PDCD5: variants seen among roughly 807,000 people sequenced by gnomAD.
The protein encoded by PDCD5 is programmed cell death protein 5.
A neutral mutation model predicts 21.9 loss-of-function variants in PDCD5; 23 were observed. That is an observed-to-expected ratio of 1.05 (90% CI 0.76 to 1.49). The LOEUF (loss-of-function observed/expected upper bound fraction) is 1.49. Ranked by LOEUF, PDCD5 falls within the 40% of genes most tolerant of loss-of-function variation. PDCD5 has a pLI of 0.00. For missense variants in PDCD5, 152 were observed against 147.7 expected (o/e 1.03, Z -0.15); for synonymous variants, 45 against 49.4 (o/e 0.91, Z 0.37).
At chr19:32,581,720 T>C (rs1057375372) in intron 1 of PDCD5, 3 of 204,608 alleles carry the variant, frequency 1.5e-5, no homozygotes, top group African/African-American at 7.0e-5. Flanking sequence ...GTCCGCTGTG[T>C]TCCCGGTGCT....
rs761684487 is a variant in PDCD5, at chr19:32,581,283, G to T, written c.22G>T (p.Ala8Ser). Residue 8 changes from alanine to serine, a missense_variant, in exon 1 of 6, where the codon GCG (alanine) becomes TCG (serine). Physicochemically the swap from Ala to Ser is moderately conservative, Grantham distance 99 (BLOSUM62 1). Coordinates refer to ENST00000590247, the MANE Select transcript of PDCD5 (RefSeq NM_004708.4). ...AGCCATGGCGGACGAGGAGCTTGAG[G>T]CGCTGAGGAGACAGAGGCTGGCCGA... MADEELEALRRQRLAELQ... is the reference protein window; with the variant it reads MADEELESLRRQRLAELQ... The T allele has an allele frequency of 4.8e-5, 74 of 1,530,624 alleles. No individual in the cohort carries two copies. The East Asian group carries it at 1.9e-3, about 39-fold the overall frequency. The allele number at this position is 1,530,624 out of a possible 1,614,324, so 94.8% of individuals were successfully genotyped here.
intron 4 of PDCD5, chr19:32,586,132 G>A: frequency 6.7e-7 from 1 of 1,503,522 alleles, no homozygotes; most frequent in South Asian, 1.3e-5. Flanking sequence ...GTTGGTGTCT[G>A]TGACCCAATG....
At position 32,582,238 on chromosome 19, in the gene PDCD5, G is replaced by A. The variant is rs10410673; in HGVS notation, c.104+6G>A. ...CAACAGGAAGCAAAGCACAGGTATG[G>A]GCTGGAAACGTGAACTTTTTGAAGG... On this transcript the variant is annotated splice_donor_region_variant and intron_variant, in intron 2 of 5. Transcript: ENST00000590247. 54 of 1,610,964 alleles carry A rather than the reference G, an allele frequency of 3.4e-5. No individual in the cohort carries two copies. The highest frequency in any genetic ancestry group is 4.2e-5 in the Non-Finnish European group (50 of 1,177,444).
Position 32,582,226 on chromosome 19 carries a change from A to G in PDCD5, c.98A>G (p.Lys33Arg), listed in dbSNP as rs766225835. The G allele has an allele frequency of 6.2e-7, 1 of 1,613,252 alleles. No individual in the cohort carries two copies. The highest frequency in any genetic ancestry group is 1.7e-5 in the Admixed American group (1 of 59,994). Residue 33 changes from lysine to arginine, a missense_variant, in exon 2 of 6, where the codon AAG becomes AGG. Transcript: ENST00000590247. ...DPGDAAQQEAKHREAEMRNSI... is the reference protein window; with the variant it reads ...DPGDAAQQEARHREAEMRNSI... Reference sequence around the variant, plus strand: ...GGTGATGCGGCCCAACAGGAAGCAAAGCACAGGTATGGGCTGGAAACGTGA... The same window carrying G: ...GGTGATGCGGCCCAACAGGAAGCAAGGCACAGGTATGGGCTGGAAACGTGA...
At chr19:32,583,901 G>C (rs1971452987) in intron 2 of PDCD5, among the ~76,000 whole-genome samples, 1 of 152,082 alleles carries the variant, frequency 6.6e-6, no homozygotes. Flanking sequence ...GCACAATCTT[G>C]GCTCACCGTA....
In PDCD5 at chr19:32,581,292, A is replaced by G; in HGVS notation, c.31A>G (p.Arg11Gly). Residue 11 changes from arginine to glycine, a missense_variant, in exon 1 of 6, where the codon AGA (arginine) becomes GGA (glycine). By Grantham distance (125) the Arg-to-Gly change is moderately radical. Coordinates refer to ENST00000590247, the MANE Select transcript of PDCD5 (RefSeq NM_004708.4). ...GGACGAGGAGCTTGAGGCGCTGAGG[A>G]GACAGAGGCTGGCCGAGCTGCAGGC... MADEELEALR[R>G]QRLAELQAKH... 1 of 1,530,656 alleles carries G rather than the reference A, an allele frequency of 6.5e-7. No homozygotes were observed. The allele number at this position is 1,530,656 out of a possible 1,614,324, so 94.8% of individuals were successfully genotyped here.
At chr19:32,587,043 AAC>A in intron 5 of PDCD5, 114 bp downstream of exon 5, 1 of 1,034,672 alleles carries the variant, frequency 9.7e-7, no homozygotes, top group Non-Finnish European at 1.4e-6. Flanking sequence ...CCTTTTGTCA[AAC>A]ACGTGAAAGT....
At position 32,587,298 on chromosome 19, in the gene PDCD5, T is replaced by G. The variant is rs1317766226; in HGVS notation, c.376T>G (p.Ter126GlyextTer35). The G allele has an allele frequency of 6.2e-7, 1 of 1,603,820 alleles. No individual in the cohort carries two copies. The highest frequency in any genetic ancestry group is 8.5e-7 in the Non-Finnish European group (1 of 1,172,310). The change falls in exon 6 of 6, where the codon TGA becomes GGA. Residue 126 changes from the stop codon to glycine (G), a stop_lost. Coordinates refer to ENST00000590247, the MANE Select transcript of PDCD5 (RefSeq NM_004708.4). ...GGACTCTGATGAAGATGACGATTATTGAACTACAAGTGCTCACAGACTAGA... is the reference window on the plus strand; with the variant it reads ...GGACTCTGATGAAGATGACGATTATGGAACTACAAGTGCTCACAGACTAGA... ...VMDSDEDDDY[*>G]
chr19:32,586,329 T>C (rs1599723347), intron 4 of PDCD5: 1 of 1,308,136 alleles, frequency 7.6e-7, no homozygotes. Flanking sequence ...AACCTGGCCT[T>C]TGAGATCAAG....
chr19:32,587,291 C>T lies in PDCD5; in HGVS notation c.369C>T (p.Asp123=), dbSNP rs200240061. ...RRKVMDSDED[D]DY ...AAGTAATGGACTCTGATGAAGATGA[C>T]GATTATTGAACTACAAGTGCTCACA... The change falls in exon 6 of 6, where the codon GAC becomes GAT. Residue 123 remains aspartate, a synonymous_variant. Transcript: ENST00000590247. The T allele has an allele frequency of 5.7e-5, 91 of 1,604,824 alleles. No individual in the cohort carries two copies. The Admixed American group carries it at 1.3e-3, about 23-fold the overall frequency.
chr19:32,586,288 G>A, intron 4 of PDCD5: 6 of 1,393,138 alleles, frequency 4.3e-6, no homozygotes, highest in Non-Finnish European at 5.6e-6. Flanking sequence ...TCTCTGTGTT[G>A]CTGTAATACC....
rs996261044 is a variant in PDCD5, at chr19:32,581,213, C to G, written c.-49C>G. 2.7e-5 allele frequency: 37 copies of G among 1,384,910 alleles called. No individual in the cohort carries two copies. The highest frequency in any genetic ancestry group is 3.5e-5 in the Non-Finnish European group (37 of 1,043,820). The allele number at this position is 1,384,910 out of a possible 1,614,324, so 85.8% of individuals were successfully genotyped here. The stretch of plus-strand genomic sequence containing the variant: ...GCAGTGGTCAAGGCCGCGCTCGCGC[C>G]GAGGGGCTGCGAGAGTGACCGCGGC... On this transcript the variant is annotated 5_prime_UTR_variant, in exon 1 of 6. Coordinates refer to ENST00000590247, the MANE Select transcript of PDCD5 (RefSeq NM_004708.4).
chr19:32,586,138 C>G, intron 4 of PDCD5: 1 of 1,497,958 alleles, frequency 6.7e-7, no homozygotes, highest in Non-Finnish European at 8.9e-7. Flanking sequence ...GTCTGTGACC[C>G]AATGACTGTT....
chr19:32,586,477 T>C (rs1368211511), intron 4 of PDCD5: 3 of 1,102,484 alleles, frequency 2.7e-6, no homozygotes, highest in Non-Finnish European at 3.3e-6. Flanking sequence ...GAGTGTGACT[T>C]ACCTCCTTCA....
At chr19:32,586,013 C>CT (rs1173701353) in intron 4 of PDCD5, 106 bp downstream of exon 4, 1 of 1,606,276 alleles carries the variant, frequency 6.2e-7, no homozygotes, top group Non-Finnish European at 8.5e-7. Flanking sequence ...CTTGCTGACT[C>CT]TCAGAAGAAA....
intron 2 of PDCD5, 127 bp downstream of exon 2, chr19:32,582,359 A>C: frequency 1.3e-6 from 1 of 744,822 alleles, no homozygotes; most frequent in Non-Finnish European, 2.4e-6. Context: ...TTTGGCCAAA[A>C]TCATCCGCAG....
Position 32,581,284 on chromosome 19 carries a change from C to T in PDCD5, c.23C>T (p.Ala8Val), listed in dbSNP as rs866908210. The T allele has an allele frequency of 2.0e-6, 3 of 1,530,292 alleles. No homozygotes were observed. The highest frequency in any genetic ancestry group is 2.6e-6 in the Non-Finnish European group (3 of 1,143,346). 94.8% of individuals were successfully genotyped at this position (1,530,292 alleles called of 1,614,324 possible). A position where few individuals can be genotyped will look rare whatever the true frequency, so the allele number is the denominator to read the frequency against. MADEELE[A>V]LRRQRLAELQ... ...GCCATGGCGGACGAGGAGCTTGAGG[C>T]GCTGAGGAGACAGAGGCTGGCCGAG... The change falls in exon 1 of 6, where the codon GCG (alanine) becomes GTG (valine). Residue 8 changes from alanine to valine, a missense_variant. Physicochemically the swap from Ala to Val is moderately conservative, Grantham distance 64. Transcript: ENST00000590247.
intron 2 of PDCD5, among the ~76,000 whole-genome samples, chr19:32,584,529 T>G (rs558729124): frequency 1.3e-5 from 2 of 152,218 alleles, no homozygotes; most frequent in African/African-American, 4.8e-5. Context: ...CAGTTACCTA[T>G]GTCTCTTTAG....
At chr19:32,584,380 T>A (rs1371112913) in intron 2 of PDCD5, among the ~76,000 whole-genome samples, 1 of 152,250 alleles carries the variant, frequency 6.6e-6, no homozygotes, top group Non-Finnish European at 1.5e-5. Context: ...ACCACTGTCC[T>A]GTGAACGTGA....
Sources: gnomAD v4.1 joint callset for allele counts (sites outside exome capture counted in the v4.1 genomes callset) on GRCh38, gnomAD v4.1.1 for gene constraint, MANE v1.5 for transcripts, NCBI Gene and HGNC (gene_info 2026-07-23, HGNC 2026-07-21) for gene names.